Variants in GRIP1 observed in about 807,000 individuals in gnomAD.
GRIP1 encodes glutamate receptor-interacting protein 1.
Under a neutral mutation model 129.9 loss-of-function variants are expected in GRIP1, and 45 were observed. The ratio of observed to expected loss-of-function variants is 0.35; its 90% CI spans 0.27 to 0.44. GRIP1 has a LOEUF of 0.44. Ranked by LOEUF, GRIP1 falls within the 20% of genes least tolerant of loss-of-function variation. The probability of loss-of-function intolerance (pLI) is 1.00; values close to 1 mark genes in which losing one functional copy is unlikely to be tolerated. For missense variants in GRIP1, 1,196 were observed against 1,396.8 expected (o/e 0.86, Z 2.29); for synonymous variants, 530 against 520.8 (o/e 1.02, Z -0.24).
chr12:66,360,960 A>G (rs1241250150), intron 23 of GRIP1, among the ~76,000 whole-genome samples: 1 of 152,204 alleles, frequency 6.6e-6, no homozygotes, highest in Non-Finnish European at 1.5e-5. Context: ...TCTCAGAAAC[A>G]GTTTTCCCAT....
At chr12:66,521,836 A>G (rs892333822) in intron 5 of GRIP1, among the ~76,000 whole-genome samples, 2 of 152,194 alleles carry the variant, frequency 1.3e-5, no homozygotes, top group Non-Finnish European at 2.9e-5. Flanking sequence ...CTTAAAAAAC[A>G]GCACACCAGG....
chr12:66,605,064 TAC>T (rs909164324), intron 1 of GRIP1, among the ~76,000 whole-genome samples: 1 of 129,854 alleles, frequency 7.7e-6, no homozygotes, highest in Admixed American at 7.5e-5. Context: ...TATATATATA[TAC>T]ATATATATAT....
chr12:66,894,082 A>G (rs768217596), intron 1 of GRIP1, among the ~76,000 whole-genome samples: 2 of 152,100 alleles, frequency 1.3e-5, no homozygotes, highest in African/African-American at 2.4e-5. Flanking sequence ...TCATCCCTCA[A>G]AAGTCCACAT....
At chr12:66,800,712 A>G (rs1283695732) in intron 1 of GRIP1, among the ~76,000 whole-genome samples, 1 of 152,126 alleles carries the variant, frequency 6.6e-6, no homozygotes, top group Non-Finnish European at 1.5e-5. Flanking sequence ...AAACATAAAA[A>G]AATGGAATGT....
chr12:66,860,071 T>C (rs982373936), intron 1 of GRIP1, among the ~76,000 whole-genome samples: 1 of 152,058 alleles, frequency 6.6e-6, no homozygotes, highest in Non-Finnish European at 1.5e-5. Context: ...TTACAAACTT[T>C]CCAAAATTTA....
At chr12:66,636,605 T>C (rs148331036) in intron 1 of GRIP1, among the ~76,000 whole-genome samples, 200 of 152,162 alleles carry the variant, frequency 1.3e-3, no homozygotes, top group African/African-American at 3.9e-3. Context: ...ATGACTGCAT[T>C]GGAGATAGGG....
intron 24 of GRIP1, 66 bp downstream of exon 24, chr12:66,353,351 G>T: frequency 2.7e-6 from 3 of 1,091,506 alleles, no homozygotes; most frequent in Non-Finnish European, 4.2e-6. Flanking sequence ...ATATGCAGGA[G>T]GATGTGGAGG....
chr12:66,945,238 A>G (rs6581724), intron 1 of GRIP1, among the ~76,000 whole-genome samples: 75,628 of 151,744 alleles, frequency 0.5, 20,620 homozygotes, highest in African/African-American at 0.74. Context: ...GTGTCGTGGC[A>G]GTTTGGCGTA....
At chr12:66,902,212 C>T (rs746858393) in intron 1 of GRIP1, among the ~76,000 whole-genome samples, 26 of 152,176 alleles carry the variant, frequency 1.7e-4, no homozygotes, top group Non-Finnish European at 2.8e-4. Context: ...CCCTCTCTCC[C>T]ACCTCCCCAG....
intron 5 of GRIP1, among the ~76,000 whole-genome samples, chr12:66,520,966 T>C (rs1223574323): frequency 1.3e-5 from 2 of 152,242 alleles, no homozygotes; most frequent in Non-Finnish European, 2.9e-5. Context: ...ACTTGTACAG[T>C]GACTTTTCAC....
At chr12:66,874,046 G>A (rs555406106) in intron 1 of GRIP1, among the ~76,000 whole-genome samples, 58 of 152,202 alleles carry the variant, frequency 3.8e-4, no homozygotes, top group African/African-American at 1.4e-3. Context: ...GTCTTCATCA[G>A]CATGTGATCT....
At chr12:66,524,236 C>G (rs963503560) in intron 5 of GRIP1, among the ~76,000 whole-genome samples, 24 of 152,230 alleles carry the variant, frequency 1.6e-4, no homozygotes, top group Non-Finnish European at 3.4e-4. Context: ...TTTTTTTCAG[C>G]ACCACACTGC....
At chr12:66,658,953 A>G (rs2033337311) in intron 1 of GRIP1, among the ~76,000 whole-genome samples, 1 of 151,776 alleles carries the variant, frequency 6.6e-6, no homozygotes, top group South Asian at 2.1e-4. Context: ...AACAAAAACA[A>G]ACGAACAACA....
At chr12:66,444,167 A>C (rs1371623797) in intron 13 of GRIP1, among the ~76,000 whole-genome samples, 1 of 152,168 alleles carries the variant, frequency 6.6e-6, no homozygotes, top group African/African-American at 2.4e-5. Flanking sequence ...AAACCTCCTA[A>C]ACAAAAGCAG....
At chr12:66,894,345 A>C (rs944668736) in intron 1 of GRIP1, among the ~76,000 whole-genome samples, 6 of 152,138 alleles carry the variant, frequency 3.9e-5, no homozygotes, top group African/African-American at 1.4e-4. Flanking sequence ...CCCCCTACCA[A>C]GCCAGCATGT....
At chr12:66,850,996 T>C (rs911582155) in intron 1 of GRIP1, among the ~76,000 whole-genome samples, 3 of 149,444 alleles carry the variant, frequency 2.0e-5, no homozygotes, top group Non-Finnish European at 4.4e-5. Context: ...GGATCTTTTA[T>C]TGATTGAATG....
Position 66,678,850 on chromosome 12 carries a change from C to A in GRIP1, c.55G>T (p.Asp19Tyr). Reference protein sequence around the residue: ...RCQILRRLTKDESPYTKSASQ... With the variant: ...RCQILRRLTKYESPYTKSASQ... ...GGGAATAACAAGGAAAGCACGATAC[C>A]TTTAGTAAGTCGCCTCAGAATTTGA... is the stretch of plus-strand genomic sequence containing the variant. Residue 19 changes from aspartate (D) to tyrosine (Y), a missense_variant and splice_region_variant, in exon 1 of 25, where the codon GAT becomes TAT. By Grantham distance (160) the Asp-to-Tyr change is radical. Coordinates refer to ENST00000359742, the MANE Select transcript of GRIP1 (RefSeq NM_001366722.1). 1 of 1,613,162 alleles carries A rather than the reference C, an allele frequency of 6.2e-7. No individual in the cohort carries two copies. The highest frequency in any genetic ancestry group is 8.5e-7 in the Non-Finnish European group (1 of 1,179,356).
chr12:66,665,338 C>A (rs2033736724), intron 1 of GRIP1, among the ~76,000 whole-genome samples: 1 of 152,116 alleles, frequency 6.6e-6, no homozygotes, highest in South Asian at 2.1e-4. Flanking sequence ...ATATGGCATA[C>A]ACAAAGAATA....
intron 17 of GRIP1, among the ~76,000 whole-genome samples, chr12:66,393,498 T>C (rs915520106): frequency 7.9e-5 from 12 of 152,134 alleles, no homozygotes; most frequent in African/African-American, 2.7e-4. Flanking sequence ...TAAGGTACAC[T>C]GCAGCTCCAA....
Sources: allele counts gnomAD v4.1 joint callset (sites outside exome capture counted in the v4.1 genomes callset), GRCh38; gene constraint gnomAD v4.1.1; transcripts MANE v1.5; gene names NCBI Gene and HGNC (gene_info 2026-07-23, HGNC 2026-07-21).